PLXND1: variants seen among roughly 807,000 people sequenced by gnomAD.
PLXND1 encodes plexin D1, also known as plexin-D1.
PLXND1 carries 54 observed loss-of-function variants against 197.7 expected under a neutral mutation model. That is an observed-to-expected ratio of 0.27 (90% CI 0.22 to 0.34). PLXND1 has a LOEUF of 0.34. PLXND1 is among the 10% of genes least tolerant of loss of function. The pLI is 1.00. For synonymous variants in PLXND1, 1,180 were observed against 1,161.2 expected (o/e 1.02, Z -0.33); for missense variants, 2,127 against 2,699.2 (o/e 0.79, Z 4.70).
chr3:129,586,871 G>A (rs2085469531), intron 2 of PLXND1, 152 bp from the exon 3 acceptor site: 2 of 854,730 alleles, frequency 2.3e-6, no homozygotes, highest in Admixed American at 2.3e-5. Flanking sequence ...GCAGGGGAGG[G>A]CACAGGGCCG....
At chr3:129,565,778 G>C (rs562308896) in intron 24 of PLXND1, 109 bp downstream of exon 24, 1 of 1,220,428 alleles carries the variant, frequency 8.2e-7, no homozygotes, top group African/African-American at 1.5e-5. Flanking sequence ...GGAAGGGCTG[G>C]AATATGGGGG....
chr3:129,581,416 G>A (rs2085386375), intron 8 of PLXND1, among the ~76,000 whole-genome samples: 2 of 152,140 alleles, frequency 1.3e-5, no homozygotes, highest in Admixed American at 1.3e-4. Flanking sequence ...CCCAGCTGGT[G>A]AGCTCCTATG....
intron 29 of PLXND1, chr3:129,561,014 A>G (rs1490254233): frequency 1.8e-6 from 1 of 555,164 alleles, no homozygotes; most frequent in Non-Finnish European, 3.4e-6. Context: ...AGAGTGAGGC[A>G]GAGAGAGAAA....
chr3:129,561,149 C>T (rs1290773783), intron 29 of PLXND1: 6 of 466,534 alleles, frequency 1.3e-5, no homozygotes, highest in African/African-American at 1.2e-4. Flanking sequence ...CCTTTGCCCA[C>T]CCCACCCCTG....
chr3:129,569,030 TTTC>T (rs2085183220), intron 20 of PLXND1, among the ~76,000 whole-genome samples: 1 of 152,236 alleles, frequency 6.6e-6, no homozygotes, highest in African/African-American at 2.4e-5. Context: ...ATTCTAAACA[TTTC>T]ATATAAATGG....
intron 7 of PLXND1, 43 bp downstream of exon 7, chr3:129,584,082 T>G (rs1383086831): frequency 1.5e-6 from 2 of 1,312,780 alleles, no homozygotes; most frequent in South Asian, 2.5e-5. Flanking sequence ...GGGGATGCGT[T>G]CCTCCCTCCA....
intron 2 of PLXND1, among the ~76,000 whole-genome samples, 200 bp downstream of exon 2, chr3:129,589,151 G>A (rs2085500511): frequency 6.6e-6 from 1 of 152,168 alleles, no homozygotes; most frequent in South Asian, 2.1e-4. Flanking sequence ...CCTCTGTATG[G>A]ACGCCACCTA....
At chr3:129,589,587 C>T in intron 1 of PLXND1, 60 bp from the exon 2 acceptor site, 1 of 1,419,208 alleles carries the variant, frequency 7.0e-7, no homozygotes, top group Non-Finnish European at 9.4e-7. Flanking sequence ...TCCCCGCCCG[C>T]ACAGCTGGCT....
At chr3:129,582,675 C>T (rs1428914032) in intron 8 of PLXND1, among the ~76,000 whole-genome samples, 1 of 152,224 alleles carries the variant, frequency 6.6e-6, no homozygotes, top group East Asian at 1.9e-4. Flanking sequence ...TTAGAGGCTT[C>T]CTGGGCAAAG....
At chr3:129,580,284 T>C (rs2085367880) in intron 8 of PLXND1, among the ~76,000 whole-genome samples, 1 of 152,180 alleles carries the variant, frequency 6.6e-6, no homozygotes, top group Non-Finnish European at 1.5e-5. Flanking sequence ...GCTGGCTCCC[T>C]GTGCCAGAAT....
chr3:129,586,288 G>A lies in PLXND1; in HGVS notation c.1621-16C>T, dbSNP rs748036717. 6 of 1,542,086 alleles carry A rather than the reference G, an allele frequency of 3.9e-6. No homozygotes were observed. The Admixed American group carries it at 1.1e-4, about 28-fold the overall frequency. ...CCCTGGCCATCTGGGGGCAGAGGTG[G>A]GGGCCCAGCTCAATGGGACTGCCAG... On this transcript the variant is annotated splice_polypyrimidine_tract_variant and intron_variant, in intron 3 of 35. Coordinates refer to ENST00000324093, the MANE Select transcript of PLXND1 (RefSeq NM_015103.3).
At position 129,565,762 on chromosome 3, in the gene PLXND1, G is replaced by A. The variant is rs527996064; in HGVS notation, c.4322+125C>T. The A allele has an allele frequency of 1.6e-4, 178 of 1,088,478 alleles. 3 individuals carry two copies. In the South Asian group the frequency reaches 2.4e-3, roughly 14 times the overall value. 67.4% of individuals were successfully genotyped at this position (1,088,478 alleles called of 1,614,324 possible). A position where few individuals can be genotyped will look rare whatever the true frequency, so the allele number is the denominator to read the frequency against. On this transcript the variant is annotated intron_variant, in intron 24 of 35. Transcript: ENST00000324093. ...CGTGAGCCAAGGTCTTGGGCATCCC[G>A]GCCCAGGAAGGGCTGGAATATGGGG...
Position 129,605,848 on chromosome 3 carries a change from G to A in PLXND1, c.792C>T (p.Ile264=), listed in dbSNP as rs749169231. ...CCTTGGCGCCCTGCTTGATCTTGAG[G>A]ATGTTGTCGTCGGAGGGGTTGAGGT... ...TFDLNPSDDN[I]LKIKQGAKEQ... The change falls in exon 1 of 36, where the codon ATC becomes ATT. Residue 264 remains isoleucine (I), a synonymous_variant. Coordinates refer to ENST00000324093, the MANE Select transcript of PLXND1 (RefSeq NM_015103.3). The A allele has an allele frequency of 3.7e-6, 6 of 1,613,242 alleles. No individual in the cohort carries two copies. The African/African-American group carries it at 4.0e-5, about 11-fold the overall frequency.
rs369291731 is a variant in PLXND1, at chr3:129,586,243, G to A, written c.1650C>T (p.Asn550=). Reference sequence around the variant, plus strand: ...CGCAGTCCCCACAGGTGGAGTGCACGTTGCAGGCGGCGACCTTCACCCTGG... The same window carrying A: ...CGCAGTCCCCACAGGTGGAGTGCACATTGCAGGCGGCGACCTTCACCCTGG... ...QMARVKVAAC[N]VHSTCGDCVG... The change falls in exon 4 of 36, where the codon AAC becomes AAT. Residue 550 remains asparagine (N), a synonymous_variant. Transcript: ENST00000324093. 378 of 1,590,214 alleles carry A rather than the reference G, an allele frequency of 2.4e-4. No homozygotes were observed. The highest frequency in any genetic ancestry group is 2.9e-4 in the Non-Finnish European group (337 of 1,173,520).
chr3:129,578,575 C>A, intron 8 of PLXND1, 142 bp from the exon 9 acceptor site: 3 of 604,144 alleles, frequency 5.0e-6, no homozygotes, highest in South Asian at 2.0e-5. Flanking sequence ...CGGCCACCAG[C>A]CCCACCCCGT....
Position 129,606,245 on chromosome 3 carries a change from G to C in PLXND1, c.395C>G (p.Pro132Arg). 2 of 1,572,980 alleles carry C rather than the reference G, an allele frequency of 1.3e-6. No individual in the cohort carries two copies. Among genetic ancestry groups the C allele is most frequent in the Non-Finnish European group, 8.6e-7 (1 of 1,164,920 alleles). The change falls in exon 1 of 36, where the codon CCC (proline) becomes CGC (arginine). Residue 132 changes from proline to arginine, a missense_variant. Pro to Arg is a moderately radical substitution (Grantham distance 103). Coordinates refer to ENST00000324093, the MANE Select transcript of PLXND1 (RefSeq NM_015103.3). ...GCACACGACTACCAGGCCCTGGCCG[G>C]GGTCCAGCTGCAGGATCTTGTTGTA... ...DNYNKILQLD[P>R]GQGLVVVCGS...
Position 129,586,675 on chromosome 3 carries a change from C to T in PLXND1, c.1533G>A (p.Val511=), listed in dbSNP as rs1322229005. 6.3e-7 allele frequency: 1 copy of T among 1,591,962 alleles called. No individual in the cohort carries two copies. The highest frequency in any genetic ancestry group is 8.6e-7 in the Non-Finnish European group (1 of 1,168,728). The change falls in exon 3 of 36, where the codon GTG becomes GTA. Residue 511 remains valine (V), a synonymous_variant. Coordinates refer to ENST00000324093, the MANE Select transcript of PLXND1 (RefSeq NM_015103.3). The part of the protein sequence containing the change: ...ESMQVVSRRV[V]TVAYGEPVHH... The stretch of plus-strand genomic sequence containing the variant: ...GCACGGGCTCCCCATAGGCCACAGT[C>T]ACCACCCGCCTGCTCACCACCTGCA...
At chr3:129,574,922 A>G (rs953119935) in intron 11 of PLXND1, among the ~76,000 whole-genome samples, 4 of 152,120 alleles carry the variant, frequency 2.6e-5, no homozygotes, top group African/African-American at 9.7e-5. Context: ...GTGGACTATG[A>G]GTACTTTGGG....
Position 129,605,586 on chromosome 3 carries a change from C to G in PLXND1, c.1054G>C (p.Gly352Arg), listed in dbSNP as rs1377440617. 3 of 1,533,890 alleles carry G rather than the reference C, an allele frequency of 2.0e-6. No individual in the cohort carries two copies. The South Asian group carries it at 3.6e-5, about 18-fold the overall frequency. ...GACACCAGGCGGCTGTAGAGGTCGC[C>G]GCGGCCCGCGCCGCCCGCGCACTGC... ...GLQCAGGAGR[G>R]DLYSRLVSVF... The change falls in exon 1 of 36, where the codon GGC (glycine) becomes CGC (arginine). Residue 352 changes from glycine to arginine, a missense_variant. By Grantham distance (125) the Gly-to-Arg change is moderately radical. Around this residue, in one of 6 missense-constraint regions of PLXND1, gnomAD observed 1,095 missense variants for 1,259.8 expected, o/e 0.87. Transcript: ENST00000324093.
Sources: allele counts gnomAD v4.1 joint callset (sites outside exome capture counted in the v4.1 genomes callset), GRCh38; gene constraint gnomAD v4.1.1; regional missense constraint gnomAD v4.1.1; transcripts MANE v1.5; gene names NCBI Gene and HGNC (gene_info 2026-07-23, HGNC 2026-07-21).